Variants in FRMD5 observed in about 807,000 individuals in gnomAD.
The protein encoded by FRMD5 is FERM domain containing 5, also known as FERM domain-containing protein 5.
In FRMD5, 20 loss-of-function variants were observed where a neutral mutation model predicts 69.0. That is an observed-to-expected ratio of 0.29 (90% CI 0.20 to 0.42). The LOEUF (loss-of-function observed/expected upper bound fraction) is 0.42. Among genes scored for constraint, FRMD5 ranks in the 10% least tolerant of loss-of-function variants. The pLI is 1.00. For missense variants in FRMD5, 595 were observed against 708.6 expected, an observed-to-expected ratio of 0.84 and a Z score of 1.82; for synonymous variants, 271 against 260.1, an observed-to-expected ratio of 1.04 and a Z score of -0.40.
At chr15:44,121,137 A>T (rs1477889891) in intron 1 of FRMD5, among the ~76,000 whole-genome samples, 1 of 93,714 alleles carries the variant, frequency 1.1e-5, no homozygotes, top group African/African-American at 2.9e-5. Context: ...ATGAAGGGGA[A>T]AAGAGTAGTA....
In FRMD5 at chr15:44,171,143, T is replaced by C. The variant is rs556784465; in HGVS notation, c.102+23810A>G. On this transcript the variant is annotated intron_variant, in intron 1 of 13. Transcript: ENST00000417257. The stretch of plus-strand genomic sequence containing the variant: ...CCCTAAAATATTAAGTAAAAGAACC[T>C]ACTTTTCTTAAAGTATGTGTTAGTG... Among the ~76,000 whole-genome samples the C allele has an allele frequency of 4.6e-5, 7 of 152,348 alleles. No homozygotes were observed. The South Asian group carries it at 1.5e-3, about 32-fold the overall frequency.
chr15:43,874,340 C>A lies in FRMD5; in HGVS notation c.1258G>T (p.Ala420Ser), dbSNP rs759120521. 7 of 1,614,220 alleles carry A rather than the reference C, an allele frequency of 4.3e-6. No homozygotes were observed. Among genetic ancestry groups the A allele is most frequent in the Non-Finnish European group, 5.9e-6 (7 of 1,180,046 alleles). ...TDSNERVAVI[A>S]DEAYSPADSV... The stretch of plus-strand genomic sequence containing the variant: ...TCTGCAGGGCTGTAGGCCTCGTCTG[C>A]AATCACAGCTACTCGCTCATTGCTA... Residue 420 changes from alanine (A) to serine (S), a missense_variant, in exon 14 of 14, where the codon GCA (alanine) becomes TCA (serine). Coordinates refer to ENST00000417257, the MANE Select transcript of FRMD5 (RefSeq NM_032892.5).
chr15:44,015,648 A>G (rs1029559153), intron 1 of FRMD5, among the ~76,000 whole-genome samples: 2 of 152,210 alleles, frequency 1.3e-5, no homozygotes, highest in African/African-American at 4.8e-5. Context: ...CCCTTAGTAC[A>G]GAAATTGCAA....
chr15:43,909,296 A>C (rs2089240279), intron 5 of FRMD5, among the ~76,000 whole-genome samples: 1 of 151,658 alleles, frequency 6.6e-6, no homozygotes, highest in South Asian at 2.1e-4. Context: ...GCTACTCAGG[A>C]GGCTGAGACA....
intron 1 of FRMD5, among the ~76,000 whole-genome samples, chr15:44,079,771 A>G (rs573863009): frequency 2.6e-5 from 4 of 152,270 alleles, no homozygotes; most frequent in Admixed American, 2.6e-4. Context: ...AATATTGCTC[A>G]GCCTTGAAAG....
intron 1 of FRMD5, among the ~76,000 whole-genome samples, chr15:44,136,824 A>G (rs1410222890): frequency 6.6e-6 from 1 of 152,216 alleles, no homozygotes; most frequent in African/African-American, 2.4e-5. Flanking sequence ...GAAAAACAAT[A>G]TAAGTAACAG....
At chr15:44,196,596 A>G (rs1461965309), upstream of FRMD5, among the ~76,000 whole-genome samples, 1 of 152,142 alleles carries the variant, frequency 6.6e-6, no homozygotes, top group East Asian at 1.9e-4. Context: ...TATAATGTGT[A>G]ACAAAAATGA....
chr15:43,989,480 G>C (rs1889563903), intron 1 of FRMD5: 1 of 845,284 alleles, frequency 1.2e-6, no homozygotes, highest in Middle Eastern at 2.5e-4. Context: ...TATCTCCAGG[G>C]AGGAGCTGGA....
intron 1 of FRMD5, among the ~76,000 whole-genome samples, chr15:44,024,893 T>C (rs939049998): frequency 6.6e-6 from 1 of 152,220 alleles, no homozygotes; most frequent in Non-Finnish European, 1.5e-5. Context: ...CCATTTGCCC[T>C]CAACCTACAT....
intron 1 of FRMD5, among the ~76,000 whole-genome samples, chr15:44,155,230 A>C (rs888925371): frequency 1.3e-5 from 2 of 152,072 alleles, no homozygotes; most frequent in Non-Finnish European, 1.5e-5. Context: ...TCGGGAGATC[A>C]AGACCATCCT....
chr15:44,015,164 C>G (rs1429183169), intron 1 of FRMD5, among the ~76,000 whole-genome samples: 1 of 151,112 alleles, frequency 6.6e-6, no homozygotes, highest in Non-Finnish European at 1.5e-5. Context: ...AAGACAGGGT[C>G]TCACTCTGTT....
At chr15:44,155,085 A>G (rs563517700) in intron 1 of FRMD5, among the ~76,000 whole-genome samples, 1 of 152,328 alleles carries the variant, frequency 6.6e-6, no homozygotes, top group South Asian at 2.1e-4. Flanking sequence ...AATATAAAAG[A>G]TGGATAATAA....
chr15:44,141,750 T>A (rs2077276902), intron 1 of FRMD5, among the ~76,000 whole-genome samples: 1 of 152,204 alleles, frequency 6.6e-6, no homozygotes. Flanking sequence ...AGTGTGAGCA[T>A]CACTTTCCAA....
rs1414608071 is a variant in FRMD5 at position 43,873,016 on chromosome 15, T to TATC, written c.*866_*868dup. 2.2e-5 allele frequency: 14 copies of TATC among 623,878 alleles called. No homozygotes were observed. The highest frequency in any genetic ancestry group is 8.8e-5 in the South Asian group (4 of 45,616). 38.6% of individuals were successfully genotyped at this position (623,878 alleles called of 1,614,324 possible). A position where few individuals can be genotyped will look rare whatever the true frequency, so the allele number is the denominator to read the frequency against. ...CTTTGTCCAACATTTCTGACAGAACTATCTATCTCTGGTACCACTGAATTC... is the reference window on the plus strand; with the variant it reads ...CTTTGTCCAACATTTCTGACAGAACTATCATCTATCTCTGGTACCACTGAATTC... On this transcript the variant is annotated 3_prime_UTR_variant, in exon 14 of 14. Coordinates refer to ENST00000417257, the MANE Select transcript of FRMD5 (RefSeq NM_032892.5).
intron 2 of FRMD5, among the ~76,000 whole-genome samples, chr15:43,922,665 C>T: frequency 6.6e-6 from 1 of 150,934 alleles, no homozygotes. Context: ...GTAACTGGCC[C>T]TCCTTTTTTT....
chr15:43,899,445 G>A (rs889556411), intron 7 of FRMD5, among the ~76,000 whole-genome samples: 1 of 152,154 alleles, frequency 6.6e-6, no homozygotes, highest in African/African-American at 2.4e-5. Context: ...ACATAACAAC[G>A]GGTAGTGACT....
chr15:43,909,399 C>CA (rs1393638010), intron 5 of FRMD5, among the ~76,000 whole-genome samples: 13 of 149,992 alleles, frequency 8.7e-5, no homozygotes, highest in African/African-American at 1.7e-4. Context: ...GACTCCATCT[C>CA]AAAAAAAACA....
intron 1 of FRMD5, among the ~76,000 whole-genome samples, chr15:43,945,546 T>C (rs568225191): frequency 6.6e-6 from 1 of 152,176 alleles, no homozygotes; most frequent in Admixed American, 6.5e-5. Flanking sequence ...AGGTCCTGGG[T>C]ACCTGAGCCT....
chr15:44,165,239 C>T (rs954016574), intron 1 of FRMD5, among the ~76,000 whole-genome samples: 6 of 151,562 alleles, frequency 4.0e-5, no homozygotes, highest in East Asian at 2.0e-4. Context: ...GCCAACATGG[C>T]GAAACCCCGT....
Sources: gnomAD v4.1 joint callset for allele counts (sites outside exome capture counted in the v4.1 genomes callset) on GRCh38, gnomAD v4.1.1 for gene constraint, MANE v1.5 for transcripts, NCBI Gene and HGNC (gene_info 2026-07-23, HGNC 2026-07-21) for gene names.